Variants in CROCC observed in about 807,000 individuals in gnomAD.
The protein encoded by CROCC is rootletin.
A neutral mutation model predicts 245.2 loss-of-function variants in CROCC; 180 were observed. The observed-to-expected ratio is 0.73, with a 90% CI of 0.65 to 0.83. The LOEUF is 0.83. CROCC is among the 40% of genes least tolerant of loss of function. CROCC has a pLI of 0.00. For synonymous variants in CROCC, 1,205 were observed against 1,241.6 expected, an observed-to-expected ratio of 0.97 and a Z score of 0.62; for missense variants, 2,688 against 2,779.4, an observed-to-expected ratio of 0.97 and a Z score of 0.74.
At chr1:16,936,981 T>G (rs1434074323) in intron 9 of CROCC, 108 bp downstream of exon 9, 6 of 1,176,044 alleles carry the variant, frequency 5.1e-6, no homozygotes, top group Non-Finnish European at 7.4e-6. Flanking sequence ...CCTTCCTCTG[T>G]GAGCTCAGCC....
intron 17 of CROCC, among the ~76,000 whole-genome samples, 166 bp from the exon 18 acceptor site, chr1:16,948,165 T>C (rs1303455667): frequency 6.6e-6 from 1 of 152,282 alleles, no homozygotes; most frequent in Non-Finnish European, 1.5e-5. Flanking sequence ...ATTGCAGATC[T>C]AGAGAAGGTC....
chr1:16,966,466 G>A lies in CROCC; in HGVS notation c.4755G>A (p.Glu1585=). ...TCCAGGCGGAGCTGGCGCTGCAGGA[G>A]GAGAGTGTGCGGCGCAGTGAGCGGG... ...SGVQAELALQ[E]ESVRRSERER... Residue 1585 remains glutamate (E), a synonymous_variant, in exon 30 of 37, where the codon GAG becomes GAA. Coordinates refer to ENST00000375541, the MANE Select transcript of CROCC (RefSeq NM_014675.5). This position sits in a 1 kb window ranked among gnomAD's most constrained non-coding sequence, Gnocchi z 4.8. 5 of 1,536,910 alleles carry A rather than the reference G, an allele frequency of 3.3e-6. No individual in the cohort carries two copies. The highest frequency in any genetic ancestry group is 4.4e-6 in the Non-Finnish European group (5 of 1,145,870).
chr1:16,969,355 G>A lies in CROCC; in HGVS notation c.5301+15G>A, dbSNP rs372143732. 176 of 1,601,874 alleles carry A rather than the reference G, an allele frequency of 1.1e-4. No homozygotes were observed. The highest frequency in any genetic ancestry group is 1.3e-4 in the Non-Finnish European group (155 of 1,174,386). On this transcript the variant is annotated intron_variant, in intron 32 of 36. Transcript: ENST00000375541. ...AAGTACTCCAGGTCTCGGGCCCAGG[G>A]TCTGGCTGGGGTGGGCCCAGTGAGA...
intron 25 of CROCC, among the ~76,000 whole-genome samples, chr1:16,956,835 A>G (rs1352687082): frequency 2.6e-5 from 4 of 152,134 alleles, no homozygotes; most frequent in Non-Finnish European, 5.9e-5. Context: ...TGATCTGCAA[A>G]CTCAACAGCA....
chr1:16,940,228 A>G (rs1570637452), intron 13 of CROCC, 135 bp downstream of exon 13: 1 of 1,052,828 alleles, frequency 9.5e-7, no homozygotes, highest in East Asian at 2.6e-5. Flanking sequence ...ACGTTTATTT[A>G]TTTATTTATT....
At chr1:16,953,113 G>A (rs1222792224) in intron 20 of CROCC, 189 bp from the exon 21 acceptor site, 10 of 598,746 alleles carry the variant, frequency 1.7e-5, no homozygotes, top group Middle Eastern at 4.5e-4. Context: ...CCAGCCCACT[G>A]CTGCTCCTTG....
Position 16,936,711 on chromosome 1 carries a change from C to T in CROCC, c.1031C>T (p.Thr344Met), listed in dbSNP as rs776453772. Reference protein sequence around the residue: ...AVQEAGLGLSTGLRLAESRAE... With the variant: ...AVQEAGLGLSMGLRLAESRAE... ...CAGGAGGCGGGCCTGGGACTGAGCA[C>T]GGGCCTACGGCTGGCAGAGAGCCGG... The change falls in exon 9 of 37, where the codon ACG becomes ATG. Residue 344 changes from threonine (T) to methionine (M), a missense_variant. This residue lies in a region of CROCC where 972 missense variants were observed against 895.3 expected (regional missense o/e 1.09). Coordinates refer to ENST00000375541, the MANE Select transcript of CROCC (RefSeq NM_014675.5). 74 of 1,606,024 alleles carry T rather than the reference C, an allele frequency of 4.6e-5. No individual in the cohort carries two copies. The highest frequency in any genetic ancestry group is 1.1e-4 in the South Asian group (10 of 89,922).
chr1:16,936,591 T>G, intron 8 of CROCC, 46 bp from the exon 9 acceptor site: 1 of 1,504,774 alleles, frequency 6.6e-7, no homozygotes, highest in Admixed American at 2.2e-5. Context: ...TAATTTGTAG[T>G]TGGGAGCAAG....
Position 16,930,206 on chromosome 1 carries a change from G to A in CROCC, c.620G>A (p.Arg207Lys). ...RSGELEQQRL[R>K]DTEHSQDLES... is the part of the protein sequence containing the mutation. Reference sequence around the variant, plus strand: ...GGAGAGCTGGAGCAGCAGCGGCTGAGGGTGGGTGCCAGTGTGGGGCAGGGG... The same window carrying A: ...GGAGAGCTGGAGCAGCAGCGGCTGAAGGTGGGTGCCAGTGTGGGGCAGGGG... The change falls in exon 5 of 37, where the codon AGG becomes AAG. Residue 207 changes from arginine (R) to lysine (K), a missense_variant and splice_region_variant. Coordinates refer to ENST00000375541, the MANE Select transcript of CROCC (RefSeq NM_014675.5). The A allele has an allele frequency of 6.3e-7, 1 of 1,589,540 alleles. No homozygotes were observed. Among genetic ancestry groups the A allele is most frequent in the Non-Finnish European group, 8.6e-7 (1 of 1,168,696 alleles).
At chr1:16,951,516 T>G (rs1028781282) in intron 20 of CROCC, among the ~76,000 whole-genome samples, 1 of 152,224 alleles carries the variant, frequency 6.6e-6, no homozygotes, top group Non-Finnish European at 1.5e-5. Flanking sequence ...TTGCCTGGGT[T>G]TGAATCGAAT....
intron 23 of CROCC, 57 bp from the exon 24 acceptor site, chr1:16,955,255 C>G: frequency 6.4e-7 from 1 of 1,552,230 alleles, no homozygotes; most frequent in Non-Finnish European, 8.8e-7. Context: ...GGTACAAGAC[C>G]CAGCTTGACG....
intron 30 of CROCC, among the ~76,000 whole-genome samples, chr1:16,967,816 G>A (rs2076443770): frequency 6.6e-6 from 1 of 152,148 alleles, no homozygotes; most frequent in Admixed American, 6.5e-5. Flanking sequence ...CGAGTCAGTG[G>A]GGCAGGAGAA....
At chr1:16,947,242 C>T (rs1296328411) in intron 17 of CROCC, among the ~76,000 whole-genome samples, 4 of 152,376 alleles carry the variant, frequency 2.6e-5, no homozygotes, top group East Asian at 3.9e-4. Context: ...TTTGGGAGGC[C>T]GAGGCGGGTG....
intron 13 of CROCC, among the ~76,000 whole-genome samples, chr1:16,941,953 C>T (rs1425674579): frequency 2.0e-4 from 30 of 152,200 alleles, no homozygotes; most frequent in African/African-American, 6.3e-4. Flanking sequence ...TCCCCTGCCT[C>T]GGCCTCCAAA....
At chr1:16,921,217 T>C (rs1387545067), upstream of CROCC, among the ~76,000 whole-genome samples, 4 of 152,260 alleles carry the variant, frequency 2.6e-5, no homozygotes, top group Non-Finnish European at 4.4e-5. Context: ...AAGAGGACAC[T>C]GAGTCTCAGA....
chr1:16,937,922 A>G (rs1056939800), intron 10 of CROCC, among the ~76,000 whole-genome samples, 185 bp downstream of exon 10: 6 of 152,266 alleles, frequency 3.9e-5, no homozygotes, highest in Non-Finnish European at 1.5e-5. Flanking sequence ...TCTTCCTCCC[A>G]GCAGCCCTGT....
Position 16,966,666 on chromosome 1 carries a change from T to C in CROCC, c.4860+95T>C. 1 of 1,355,678 alleles carries C rather than the reference T, an allele frequency of 7.4e-7. No individual in the cohort carries two copies. The highest frequency in any genetic ancestry group is 3.0e-5 in the Admixed American group (1 of 33,370). 84.0% of individuals were successfully genotyped at this position (1,355,678 alleles called of 1,614,324 possible). A position where few individuals can be genotyped will look rare whatever the true frequency, so the allele number is the denominator to read the frequency against. ...GTGTGTCTCCCTGTGTCTGTCTGCC[T>C]GAGTCTCTCTGCAACCCACTGAGGT... On this transcript the variant is annotated intron_variant, in intron 30 of 36. Transcript: ENST00000375541. The surrounding 1 kb of genome is among the most constrained non-coding windows in gnomAD (Gnocchi z 4.8).
rs1308005917 is a variant in CROCC, at chr1:16,955,363, C to T, written c.3517C>T (p.Leu1173=). The T allele has an allele frequency of 6.2e-7, 1 of 1,607,602 alleles. No individual in the cohort carries two copies. The highest frequency in any genetic ancestry group is 1.7e-5 in the Admixed American group (1 of 59,982). ...TCTGCTGGAGGATGCCCGTGACGGG[C>T]TGCGGCGGGAGCTGCTGGAGGCCCA... ...LRLLEDARDG[L]RRELLEAQRK... Residue 1173 remains leucine (L), a synonymous_variant, in exon 24 of 37, where the codon CTG becomes TTG. Coordinates refer to ENST00000375541, the MANE Select transcript of CROCC (RefSeq NM_014675.5).
In CROCC at chr1:16,961,055, C is replaced by T. The variant is rs2076323869; in HGVS notation, c.4330C>T (p.Leu1444Phe). ...GGLRSALRRG[L>F]GLGRAPSPAP... ...CCTGCGCTCGGCTCTGCGCCGGGGC[C>T]TCGGCCTCGGTCGCGCGCCCAGCCC... The change falls in exon 27 of 37, where the codon CTC (leucine) becomes TTC (phenylalanine). Residue 1444 changes from leucine (L) to phenylalanine (F), a missense_variant. By Grantham distance (22) the Leu-to-Phe change is conservative. Transcript: ENST00000375541. The T allele has an allele frequency of 1.5e-6, 2 of 1,334,968 alleles. No homozygotes were observed. The highest frequency in any genetic ancestry group is 1.9e-6 in the Non-Finnish European group (2 of 1,048,300). 82.7% of individuals were successfully genotyped at this position (1,334,968 alleles called of 1,614,324 possible).
Sources: gnomAD v4.1 joint callset for allele counts (sites outside exome capture counted in the v4.1 genomes callset) on GRCh38, gnomAD v4.1.1 for gene constraint, gnomAD v4.1.1 regional missense constraint, Gnocchi (gnomAD v3.1) non-coding constraint, MANE v1.5 for transcripts, NCBI Gene and HGNC (gene_info 2026-07-23, HGNC 2026-07-21) for gene names.